The following LRRC36 variants were observed in gnomAD, a reference collection of about 807,000 sequenced individuals.
LRRC36 encodes leucine-rich repeat-containing protein 36.
In LRRC36, 62 loss-of-function variants were observed where a neutral mutation model predicts 81.1. That is an observed-to-expected ratio of 0.76 (90% CI 0.62 to 0.94). The LOEUF (loss-of-function observed/expected upper bound fraction) is 0.94. Ranked by LOEUF, LRRC36 falls within the 40% of genes least tolerant of loss-of-function variation. The pLI is 0.00. For synonymous variants in LRRC36, 334 were observed against 348.6 expected, an observed-to-expected ratio of 0.96 and a Z score of 0.47; for missense variants, 761 against 881.7, an observed-to-expected ratio of 0.86 and a Z score of 1.73.
chr16:67,376,628 A>G (rs1780102269), intron 10 of LRRC36, 99 bp from the exon 11 acceptor site: 1 of 1,247,868 alleles, frequency 8.0e-7, no homozygotes, highest in Admixed American at 2.2e-5. Context: ...GAGATAATAC[A>G]TTAGCCTATT....
chr16:67,379,620 G>A (rs970753792), intron 12 of LRRC36, among the ~76,000 whole-genome samples: 1 of 152,152 alleles, frequency 6.6e-6, no homozygotes, highest in South Asian at 2.1e-4. Flanking sequence ...GGGAGGCTGA[G>A]GTAGCAGAAT....
At chr16:67,344,173 C>A (rs1242766391) in intron 2 of LRRC36, among the ~76,000 whole-genome samples, 5 of 152,062 alleles carry the variant, frequency 3.3e-5, no homozygotes, top group Non-Finnish European at 2.9e-5. Context: ...TTTAATTTTC[C>A]TGGGAGAAAA....
At chr16:67,332,199 A>G (rs962432014) in intron 1 of LRRC36, among the ~76,000 whole-genome samples, 2 of 152,020 alleles carry the variant, frequency 1.3e-5, no homozygotes, top group African/African-American at 4.8e-5. Context: ...TCATTCTTTT[A>G]TTCTTGGCAT....
At chr16:67,370,620 G>A (rs903437342) in intron 8 of LRRC36, among the ~76,000 whole-genome samples, 12 of 135,344 alleles carry the variant, frequency 8.9e-5, no homozygotes, top group East Asian at 4.1e-4. Flanking sequence ...GCAATCGAGC[G>A]AGACTCTCTC....
intron 5 of LRRC36, among the ~76,000 whole-genome samples, chr16:67,357,707 A>C (rs1162161242): frequency 2.0e-5 from 3 of 152,212 alleles, no homozygotes; most frequent in Non-Finnish European, 4.4e-5. Flanking sequence ...CTCCGAATGA[A>C]GAGCAAACGG....
intron 3 of LRRC36, among the ~76,000 whole-genome samples, chr16:67,346,806 G>A (rs968369437): frequency 4.6e-5 from 7 of 152,026 alleles, no homozygotes; most frequent in African/African-American, 1.7e-4. Flanking sequence ...GCTTAGTTGG[G>A]GGCTTAGTTG....
chr16:67,376,125 T>C (rs1015862429), intron 10 of LRRC36, among the ~76,000 whole-genome samples: 1 of 152,000 alleles, frequency 6.6e-6, no homozygotes, highest in African/African-American at 2.4e-5. Flanking sequence ...CTGGCCAACA[T>C]GGTGAAACCC....
intron 9 of LRRC36, among the ~76,000 whole-genome samples, chr16:67,374,857 C>G (rs1284540756): frequency 6.6e-6 from 1 of 151,940 alleles, no homozygotes. Context: ...CTAGGCCAGG[C>G]ACAGTGGCTC....
At chr16:67,375,547 A>T in intron 10 of LRRC36, 135 bp downstream of exon 10, 1 of 620,354 alleles carries the variant, frequency 1.6e-6, no homozygotes, top group Non-Finnish European at 2.6e-6. Context: ...CATCTCAGAA[A>T]CATCATAGTT....
At chr16:67,339,381 A>G (rs1359585373) in intron 1 of LRRC36, among the ~76,000 whole-genome samples, 3 of 152,100 alleles carry the variant, frequency 2.0e-5, no homozygotes, top group Non-Finnish European at 4.4e-5. Flanking sequence ...TTTAGGGACC[A>G]TACTTTGAGA....
At position 67,375,342 on chromosome 16, in the gene LRRC36, A is replaced by G. The variant is rs1173944209; in HGVS notation, c.1590A>G (p.Arg530=). The G allele has an allele frequency of 6.2e-7, 1 of 1,610,428 alleles. No individual in the cohort carries two copies. The highest frequency in any genetic ancestry group is 2.2e-5 in the East Asian group (1 of 44,808). The change falls in exon 10 of 14, where the codon AGA becomes AGG. Residue 530 remains arginine, a synonymous_variant. Coordinates refer to ENST00000329956, the MANE Select transcript of LRRC36 (RefSeq NM_018296.6). ...CCCCCCATGTGGCCACTGTCCTCAG[A>G]CAGCTCCTGGAGCTTGTGGATAAGC... The part of the protein sequence containing the change: ...ARTPHVATVL[R]QLLELVDKHW...
chr16:67,363,373 A>G (rs1377029102), intron 5 of LRRC36, among the ~76,000 whole-genome samples: 1 of 152,232 alleles, frequency 6.6e-6, no homozygotes, highest in African/African-American at 2.4e-5. Flanking sequence ...CAACCCTAAC[A>G]GATAGGCAGT....
rs60130111 is a variant in LRRC36, at chr16:67,332,758, T to C, written c.70+5826T>C. 6.6e-5 allele frequency among the ~76,000 whole-genome samples: 10 copies of C among 152,270 alleles called. No individual in the cohort carries two copies. The East Asian group carries it at 1.7e-3, about 26-fold the overall frequency. On this transcript the variant is annotated intron_variant, in intron 1 of 13. Coordinates refer to ENST00000329956, the MANE Select transcript of LRRC36 (RefSeq NM_018296.6). ...CATGAGAAATGCTGTGGGTCATTGA[T>C]GGAAACCATAATTGTCCTTAGCTTT...
At chr16:67,334,319 G>A (rs573004825) in intron 1 of LRRC36, among the ~76,000 whole-genome samples, 155 of 144,956 alleles carry the variant, frequency 1.1e-3, no homozygotes, top group Non-Finnish European at 1.9e-3. Context: ...GCGCCTGGCC[G>A]TCCACCATTA....
chr16:67,346,681 G>A (rs2038363896), intron 3 of LRRC36, among the ~76,000 whole-genome samples: 3 of 152,038 alleles, frequency 2.0e-5, no homozygotes, highest in Admixed American at 2.0e-4. Flanking sequence ...TTCAGTTGAT[G>A]GTTTCACCGC....
chr16:67,373,508 C>A (rs1567499045), intron 9 of LRRC36, among the ~76,000 whole-genome samples: 1 of 150,328 alleles, frequency 6.7e-6, no homozygotes. Context: ...GGAGTTTGAG[C>A]CCATCCTGGC....
At chr16:67,383,509 C>T (rs139886790) in intron 13 of LRRC36, among the ~76,000 whole-genome samples, 42 of 152,316 alleles carry the variant, frequency 2.8e-4, no homozygotes, top group African/African-American at 9.4e-4. Context: ...GGGAACTGAA[C>T]ATCTGCATTT....
At chr16:67,364,730 G>A (rs767671610) in intron 6 of LRRC36, among the ~76,000 whole-genome samples, 2 of 152,130 alleles carry the variant, frequency 1.3e-5, no homozygotes, top group African/African-American at 2.4e-5. Flanking sequence ...ATTACTTCTT[G>A]AAGTGAGAAA....
At chr16:67,383,057 G>C (rs1341543239) in intron 13 of LRRC36, among the ~76,000 whole-genome samples, 1 of 131,528 alleles carries the variant, frequency 7.6e-6, no homozygotes, top group Non-Finnish European at 1.5e-5. Flanking sequence ...TGTCAACAGA[G>C]CGAGGCTCCG....
Sources: gnomAD v4.1 joint callset for allele counts (sites outside exome capture counted in the v4.1 genomes callset) on GRCh38, gnomAD v4.1.1 for gene constraint, MANE v1.5 for transcripts, NCBI Gene and HGNC (gene_info 2026-07-23, HGNC 2026-07-21) for gene names.